ZNF565: variants seen among roughly 807,000 people sequenced by gnomAD.
ZNF565 encodes the protein zinc finger protein 565.
In ZNF565, 27 loss-of-function variants were observed where a neutral mutation model predicts 39.4. The observed-to-expected ratio is 0.69, with a 90% CI of 0.51 to 0.95. The LOEUF is 0.95. Among genes scored for constraint, ZNF565 ranks in the 40% least tolerant of loss-of-function variants. The probability of loss-of-function intolerance (pLI) is 0.00; values close to 1 mark genes in which losing one functional copy is unlikely to be tolerated. For synonymous variants in ZNF565, 185 were observed against 216.6 expected, an observed-to-expected ratio of 0.85 and a Z score of 1.28; for missense variants, 524 against 621.1, an observed-to-expected ratio of 0.84 and a Z score of 1.66.
chr19:36,213,139 G>A (rs765539911), intron 1 of ZNF565: 3 of 152,232 alleles, frequency 2.0e-5, no homozygotes, highest in African/African-American at 4.8e-5. Flanking sequence ...TTCTGCATGG[G>A]TCAAGCACTA....
At chr19:36,183,844 T>C in intron 4 of ZNF565, 111 bp from the exon 5 acceptor site, 1 of 964,492 alleles carries the variant, frequency 1.0e-6, no homozygotes, top group East Asian at 2.5e-5. Flanking sequence ...CCCAGCACTT[T>C]GGGAGGCTGA....
intron 1 of ZNF565, among the ~76,000 whole-genome samples, chr19:36,214,373 C>G (rs1976498317): frequency 6.6e-6 from 1 of 152,180 alleles, no homozygotes. Flanking sequence ...AACGGGGACA[C>G]ACGCAGTATC....
chr19:36,206,625 G>A (rs1395142136), intron 1 of ZNF565, among the ~76,000 whole-genome samples: 3 of 152,166 alleles, frequency 2.0e-5, no homozygotes, highest in Admixed American at 1.3e-4. Context: ...GAGGTCAGAA[G>A]TTCTAGACCA....
At chr19:36,244,005 C>G (rs1465155425) in intron 1 of ZNF565, among the ~76,000 whole-genome samples, 2 of 152,168 alleles carry the variant, frequency 1.3e-5, no homozygotes, top group Non-Finnish European at 2.9e-5. Context: ...CCCAGCCTTC[C>G]CTTTTTTCTG....
intron 1 of ZNF565, among the ~76,000 whole-genome samples, chr19:36,219,696 C>T (rs761615223): frequency 9.2e-5 from 14 of 151,958 alleles, no homozygotes; most frequent in Non-Finnish European, 1.8e-4. Context: ...GTTTTAAAAC[C>T]AATACATAAT....
chr19:36,191,093 A>G (rs1975523179), intron 4 of ZNF565, among the ~76,000 whole-genome samples: 1 of 150,412 alleles, frequency 6.6e-6, no homozygotes, highest in Admixed American at 6.7e-5. Context: ...TCTACAGCAT[A>G]TTCTTTTTTT....
chr19:36,231,024 T>G (rs2145442120), intron 1 of ZNF565, among the ~76,000 whole-genome samples: 1 of 152,094 alleles, frequency 6.6e-6, no homozygotes, highest in South Asian at 2.1e-4. Flanking sequence ...CTTATATGTA[T>G]ATATATTTGC....
rs1160244915 is a variant in ZNF565 at position 36,183,116 on chromosome 19, A to G, written c.850T>C (p.Cys284Arg). 6.2e-7 allele frequency: 1 copy of G among 1,614,036 alleles called. No individual in the cohort carries two copies. Among genetic ancestry groups the G allele is most frequent in the Non-Finnish European group, 8.5e-7 (1 of 1,180,038 alleles). Residue 284 changes from cysteine to arginine, a missense_variant, in exon 5 of 5, where the codon TGT (cysteine) becomes CGT (arginine). Physicochemically the swap from Cys to Arg is radical, Grantham distance 180. Coordinates refer to ENST00000304116, the MANE Select transcript of ZNF565 (RefSeq NM_152477.5). Reference sequence around the variant, plus strand: ...GAGCCACGAATGAAAGCCTTGCCACAGTCTTTACATACGTAGGGTTTCTCG... The same window carrying G: ...GAGCCACGAATGAAAGCCTTGCCACGGTCTTTACATACGTAGGGTTTCTCG... Reference protein sequence around the residue: ...TGEKPYVCKDCGKAFIRGSQL... With the variant: ...TGEKPYVCKDRGKAFIRGSQL...
At chr19:36,210,908 A>G (rs769795980) in intron 1 of ZNF565, among the ~76,000 whole-genome samples, 3 of 152,280 alleles carry the variant, frequency 2.0e-5, no homozygotes, top group Admixed American at 1.3e-4. Flanking sequence ...CCAGAAAATA[A>G]ATAATAAAAA....
Position 36,202,065 on chromosome 19 carries a change from TG to T in ZNF565, c.-65-16del. ...AGTGCAGAGTCCTGAAAAAGCAAAA[TG>T]GGGGGAGATGGGGTAACCTCTGATA... On this transcript the variant is annotated splice_polypyrimidine_tract_variant and intron_variant, in intron 1 of 4. Coordinates refer to ENST00000304116, the MANE Select transcript of ZNF565 (RefSeq NM_152477.5). 3 of 1,412,408 alleles carry T rather than the reference TG, an allele frequency of 2.1e-6. No individual in the cohort carries two copies. Among genetic ancestry groups the T allele is most frequent in the Non-Finnish European group, 2.0e-6 (2 of 997,486 alleles). The allele number at this position is 1,412,408 out of a possible 1,614,324, so 87.5% of individuals were successfully genotyped here.
chr19:36,219,506 AT>A (rs145670628), upstream of ZNF565, among the ~76,000 whole-genome samples: 221 of 150,428 alleles, frequency 1.5e-3, no homozygotes, highest in Non-Finnish European at 2.7e-3. Context: ...ATCTCTGATG[AT>A]TTTTTTTTTA....
At chr19:36,221,695 C>T (rs1976846131) in intron 1 of ZNF565, among the ~76,000 whole-genome samples, 3 of 152,080 alleles carry the variant, frequency 2.0e-5, no homozygotes, top group Non-Finnish European at 2.9e-5. Context: ...CTGCTCCCTT[C>T]CCCCAGTCAC....
chr19:36,244,545 G>T (rs929094214), intron 1 of ZNF565, among the ~76,000 whole-genome samples: 2 of 151,752 alleles, frequency 1.3e-5, no homozygotes, highest in Non-Finnish European at 2.9e-5. Context: ...TAAAGAAAAA[G>T]TTTATTAATT....
chr19:36,244,744 G>C lies in ZNF565; in HGVS notation c.55+732C>G, dbSNP rs191806431. Among the ~76,000 whole-genome samples, 723 of 151,054 alleles carry C rather than the reference G, an allele frequency of 4.8e-3. 7 individuals carry two copies. The highest frequency in any genetic ancestry group is 0.016 in the African/African-American group (672 of 41,124). ...CATGCGCCTGTAATCCCAGCTACTC[G>C]AGAGGCTGAGGCAGGAGAATCGCTT... On this transcript the variant is annotated intron_variant, in intron 1 of 4. Transcript: ENST00000355114.
intron 1 of ZNF565, chr19:36,236,903 C>G (rs1362163987): frequency 1.9e-6 from 3 of 1,613,952 alleles, no homozygotes; most frequent in Admixed American, 3.3e-5. Flanking sequence ...TGGAGAGAAG[C>G]CTTTTAAATG....
intron 2 of ZNF565, among the ~76,000 whole-genome samples, chr19:36,198,925 TG>T (rs1477782250): frequency 1.3e-5 from 2 of 151,954 alleles, no homozygotes; most frequent in Non-Finnish European, 2.9e-5. Context: ...AAATAAAGAG[TG>T]TAACTGGATT....
At chr19:36,209,505 C>CAAAAAA (rs1408131245) in intron 1 of ZNF565, among the ~76,000 whole-genome samples, 2 of 151,794 alleles carry the variant, frequency 1.3e-5, no homozygotes, top group Non-Finnish European at 1.5e-5. Flanking sequence ...AAAACAAAAA[C>CAAAAAA]AAAAACAAAA....
rs148061568 is a variant in ZNF565 at position 36,201,963 on chromosome 19, G to A, written c.9+14C>T. The A allele has an allele frequency of 5.3e-4, 858 of 1,613,692 alleles. 6 individuals carry two copies. The African/African-American group carries it at 9.1e-3, about 17-fold the overall frequency. On this transcript the variant is annotated intron_variant, in intron 2 of 4. Transcript: ENST00000304116. ...AGACAGATCATTCTAAGGATAGAAG[G>A]AATTTCAACATACCTGGGCCATGGC...
chr19:36,241,781 CAA>C (rs57036778), intron 1 of ZNF565, among the ~76,000 whole-genome samples: 28,091 of 78,336 alleles, frequency 0.36, 2,062 homozygotes, highest in Middle Eastern at 0.51. Flanking sequence ...AGAAGAGTGT[CAA>C]AAAAAAAAAA....
Sources: allele counts gnomAD v4.1 joint callset (sites outside exome capture counted in the v4.1 genomes callset), GRCh38; gene constraint gnomAD v4.1.1; transcripts MANE v1.5; gene names NCBI Gene and HGNC (gene_info 2026-07-23, HGNC 2026-07-21).